Variants in GSG1 observed in about 807,000 individuals in gnomAD.
GSG1 encodes germ cell-specific gene 1 protein.
Under a neutral mutation model 30.8 loss-of-function variants are expected in GSG1, and 28 were observed. The ratio of observed to expected loss-of-function variants is 0.91; its 90% CI spans 0.67 to 1.25. The LOEUF is 1.25. Ranked by LOEUF, GSG1 falls within the 50% of genes most tolerant of loss-of-function variation. The pLI, the probability that GSG1 is intolerant of heterozygous loss-of-function variation, is 0.00. For synonymous variants in GSG1, 162 were observed against 178.0 expected (o/e 0.91, Z 0.71); for missense variants, 435 against 444.7 (o/e 0.98, Z 0.20).
chr12:13,094,825 C>T (rs1244085590), intron 1 of GSG1, among the ~76,000 whole-genome samples: 3 of 152,148 alleles, frequency 2.0e-5, no homozygotes, highest in African/African-American at 7.2e-5. Context: ...CAATCCATTT[C>T]AAGTTATACT....
rs1866334959 is a variant in GSG1, at chr12:13,093,269, T to A, written c.49-2451A>T. On this transcript the variant is annotated intron_variant, in intron 1 of 6. Coordinates refer to ENST00000651961, the MANE Select transcript of GSG1 (RefSeq NM_001080555.4). This position sits in a 1 kb window ranked among gnomAD's most constrained non-coding sequence, Gnocchi z 4.6. ...TTGGGAGCATTCCAAATGCTCTTTG[T>A]GATAATCGTTTTTGGCTTTGTCTTC... Among the ~76,000 whole-genome samples, 1 of 152,190 alleles carries A rather than the reference T, an allele frequency of 6.6e-6. No homozygotes were observed. The highest frequency in any genetic ancestry group is 2.1e-4 in the South Asian group (1 of 4,832).
intron 6 of GSG1, among the ~76,000 whole-genome samples, chr12:13,085,994 T>C (rs1295270696): frequency 6.6e-6 from 1 of 152,186 alleles, no homozygotes; most frequent in Admixed American, 6.5e-5. Flanking sequence ...CCTGAAAACT[T>C]GGAAAGTCAA....
At chr12:13,099,409 C>G (rs142183886) in intron 1 of GSG1, among the ~76,000 whole-genome samples, 11 of 152,332 alleles carry the variant, frequency 7.2e-5, no homozygotes, top group African/African-American at 2.4e-4. Context: ...TGGACTGTGA[C>G]TATTCCAAGA....
rs571649204 is a variant in GSG1 at position 13,103,326 on chromosome 12, C to T, written c.48+139G>A. ...CATTTTCATTCCATTTTGTAGAACC[C>T]TATAGTGCATTTCCAAGCTCTTTAC... On this transcript the variant is annotated intron_variant, in intron 1 of 6. Coordinates refer to ENST00000651961, the MANE Select transcript of GSG1 (RefSeq NM_001080555.4). 14 of 731,522 alleles carry T rather than the reference C, an allele frequency of 1.9e-5. No individual in the cohort carries two copies. In the East Asian group the frequency reaches 3.5e-4, roughly 18 times the overall value. The allele number at this position is 731,522 out of a possible 1,614,324, so 45.3% of individuals were successfully genotyped here. A position where few individuals can be genotyped will look rare whatever the true frequency, so the allele number is the denominator to read the frequency against.
chr12:13,092,003 T>A (rs1386260857), intron 1 of GSG1, among the ~76,000 whole-genome samples: 1 of 152,120 alleles, frequency 6.6e-6, no homozygotes, highest in Non-Finnish European at 1.5e-5. Context: ...CTTACACAGA[T>A]CCAACTACAG....
intron 1 of GSG1, among the ~76,000 whole-genome samples, chr12:13,097,831 C>A (rs181401610): frequency 6.6e-6 from 1 of 152,284 alleles, no homozygotes; most frequent in East Asian, 1.9e-4. Flanking sequence ...GCCGTTCCTC[C>A]CCCTCTTCCA....
At chr12:13,086,820 A>AT (rs1565523053) in intron 6 of GSG1, among the ~76,000 whole-genome samples, 1 of 152,174 alleles carries the variant, frequency 6.6e-6, no homozygotes, top group Non-Finnish European at 1.5e-5. Flanking sequence ...AGAAAAAAAA[A>AT]GAGCACATTT....
chr12:13,095,542 A>G (rs1035743560), intron 1 of GSG1: 1 of 1,521,020 alleles, frequency 6.6e-7, no homozygotes, highest in Non-Finnish European at 9.1e-7. Flanking sequence ...TAAAAGAGCC[A>G]GGTACAAAAT....
intron 4 of GSG1, 74 bp from the exon 5 acceptor site, chr12:13,088,133 G>T: frequency 6.5e-7 from 1 of 1,546,224 alleles, no homozygotes; most frequent in Non-Finnish European, 8.9e-7. Flanking sequence ...AGCATAGGAT[G>T]CCTATTAGGA....
chr12:13,099,765 T>G lies in GSG1; in HGVS notation c.48+3700A>C, dbSNP rs568024835. Among the ~76,000 whole-genome samples the G allele has an allele frequency of 6.9e-3, 1,026 of 149,544 alleles. 6 individuals are homozygous for G. Among genetic ancestry groups the G allele is most frequent in the Middle Eastern group, 0.017 (5 of 286 alleles). On this transcript the variant is annotated intron_variant, in intron 1 of 6. Transcript: ENST00000651961. ...GTTTTTTTTTGTTTTTTTTTTTTTTTTTTGTTTTTTCTTCATGTCATCCAT... is the reference window on the plus strand; with the variant it reads ...GTTTTTTTTTGTTTTTTTTTTTTTTGTTTGTTTTTTCTTCATGTCATCCAT...
chr12:13,095,124 A>G (rs2120872624), intron 1 of GSG1, among the ~76,000 whole-genome samples: 1 of 152,364 alleles, frequency 6.6e-6, no homozygotes, highest in Admixed American at 6.5e-5. Flanking sequence ...TGATCATCTC[A>G]TTCAAGAATT....
intron 6 of GSG1, among the ~76,000 whole-genome samples, chr12:13,085,734 A>G (rs1012930445): frequency 6.6e-6 from 1 of 152,038 alleles, no homozygotes; most frequent in East Asian, 1.9e-4. Flanking sequence ...TCCCTCTTCC[A>G]TCTTCCTTTG....
rs1863031769 is a variant in GSG1 at position 13,099,752 on chromosome 12, T to TTTTTG, written c.48+3712_48+3713insCAAAA. 7.5e-5 allele frequency among the ~76,000 whole-genome samples: 8 copies of TTTTTG among 105,962 alleles called. No individual in the cohort carries two copies. The South Asian group carries it at 1.3e-3, about 17-fold the overall frequency. 69.5% of individuals were successfully genotyped at this position (105,962 alleles called of 152,430 possible). ...TAAGGGATCCGGTGTTTTTTTTTGT[T>TTTTTG]TTTTTTTTTTTTTTTTGTTTTTTCT... On this transcript the variant is annotated intron_variant, in intron 1 of 6. Coordinates refer to ENST00000651961, the MANE Select transcript of GSG1 (RefSeq NM_001080555.4).
At chr12:13,095,606 A>G (rs776470287) in intron 1 of GSG1, 4 of 1,614,202 alleles carry the variant, frequency 2.5e-6, no homozygotes, top group Admixed American at 1.7e-5. Context: ...TACCTTGGCC[A>G]TGGTCAGCGT....
rs1863226047 is a variant in GSG1, at chr12:13,101,773, G to T, written c.48+1692C>A. 6.6e-6 allele frequency among the ~76,000 whole-genome samples: 1 copy of T among 152,246 alleles called. No homozygotes were observed. Among genetic ancestry groups the T allele is most frequent in the African/African-American group, 2.4e-5 (1 of 41,474 alleles). ...TATGGGTCCCAGGCTCCCGTTCTAAGGGAAGGGGATGTCTGCGTCTCATTG... is the reference window on the plus strand; with the variant it reads ...TATGGGTCCCAGGCTCCCGTTCTAATGGAAGGGGATGTCTGCGTCTCATTG... On this transcript the variant is annotated intron_variant, in intron 1 of 6. Coordinates refer to ENST00000651961, the MANE Select transcript of GSG1 (RefSeq NM_001080555.4). This position sits in a 1 kb window ranked among gnomAD's most constrained non-coding sequence, Gnocchi z 5.8.
At chr12:13,090,316 A>G (rs1284415811) in intron 2 of GSG1, among the ~76,000 whole-genome samples, 187 bp downstream of exon 2, 3 of 152,236 alleles carry the variant, frequency 2.0e-5, no homozygotes, top group Admixed American at 2.0e-4. Context: ...GCTCCTATAG[A>G]GAAGGACACT....
At position 13,087,255 on chromosome 12, in the gene GSG1, C is replaced by G; in HGVS notation, c.643G>C (p.Gly215Arg). ...AVSSVLSGLL[G>R]MVAHMMYSQV... Reference sequence around the variant, plus strand: ...GAATACATCATGTGGGCCACCATCCCCAGGAGACCTACCAAGGAAACAGGA... The same window carrying G: ...GAATACATCATGTGGGCCACCATCCGCAGGAGACCTACCAAGGAAACAGGA... The change falls in exon 6 of 7, where the codon GGG (glycine) becomes CGG (arginine). Residue 215 changes from glycine to arginine, a missense_variant. Transcript: ENST00000651961. The G allele has an allele frequency of 6.2e-7, 1 of 1,612,950 alleles. No homozygotes were observed. The highest frequency in any genetic ancestry group is 8.5e-7 in the Non-Finnish European group (1 of 1,178,952).
intron 6 of GSG1, among the ~76,000 whole-genome samples, chr12:13,085,490 C>T (rs1294819033): frequency 1.3e-5 from 2 of 149,748 alleles, no homozygotes; most frequent in East Asian, 1.9e-4. Context: ...GATGAGTTGT[C>T]GGTGCCATGC....
At position 13,101,815 on chromosome 12, in the gene GSG1, G is replaced by A. The variant is rs1249370909; in HGVS notation, c.48+1650C>T. Reference sequence around the variant, plus strand: ...GTCTCATTGGGAAGACCCCAGGGCGGGACTTCACCACCCAGACCCCTCAGC... The same window carrying A: ...GTCTCATTGGGAAGACCCCAGGGCGAGACTTCACCACCCAGACCCCTCAGC... On this transcript the variant is annotated intron_variant, in intron 1 of 6. Coordinates refer to ENST00000651961, the MANE Select transcript of GSG1 (RefSeq NM_001080555.4). This position sits in a 1 kb window ranked among gnomAD's most constrained non-coding sequence, Gnocchi z 5.8. Among the ~76,000 whole-genome samples, 1 of 152,208 alleles carries A rather than the reference G, an allele frequency of 6.6e-6. No individual in the cohort carries two copies. Among genetic ancestry groups the A allele is most frequent in the African/African-American group, 2.4e-5 (1 of 41,452 alleles).
Sources: allele counts gnomAD v4.1 joint callset (sites outside exome capture counted in the v4.1 genomes callset), GRCh38; gene constraint gnomAD v4.1.1; non-coding constraint Gnocchi (gnomAD v3.1); transcripts MANE v1.5; gene names NCBI Gene and HGNC (gene_info 2026-07-23, HGNC 2026-07-21).